Variants in CNTN5 observed in about 807,000 individuals in gnomAD.
The protein encoded by CNTN5 is contactin 5, also known as contactin-5.
CNTN5 carries 77 observed loss-of-function variants against 129.1 expected under a neutral mutation model. The observed-to-expected ratio is 0.60, with a 90% CI of 0.50 to 0.72. The LOEUF is 0.72. CNTN5 is among the 30% of genes least tolerant of loss of function. The pLI, the probability that CNTN5 is intolerant of heterozygous loss-of-function variation, is 0.00. For missense variants in CNTN5, 1,478 were observed against 1,328.8 expected, an observed-to-expected ratio of 1.11 and a Z score of -1.75; for synonymous variants, 509 against 465.6, an observed-to-expected ratio of 1.09 and a Z score of -1.20.
chr11:99,375,011 T>C (rs1051115928), intron 2 of CNTN5, among the ~76,000 whole-genome samples: 10 of 151,682 alleles, frequency 6.6e-5, no homozygotes, highest in Admixed American at 1.3e-4. Context: ...CTGAAGAAAA[T>C]GGAGAGCTAG....
At chr11:99,414,031 A>G (rs1942523368) in intron 2 of CNTN5, among the ~76,000 whole-genome samples, 1 of 152,226 alleles carries the variant, frequency 6.6e-6, no homozygotes, top group Non-Finnish European at 1.5e-5. Flanking sequence ...TTTGTTCAAC[A>G]AATAGATACA....
At chr11:99,329,914 GACACACACACACACACACAC>G (rs58544462) in intron 2 of CNTN5, among the ~76,000 whole-genome samples, 5 of 140,300 alleles carry the variant, frequency 3.6e-5, no homozygotes, top group South Asian at 2.4e-4. Context: ...TACAAGCAGT[GACACACACACACACACACAC>G]ACACACACAC....
Position 100,322,749 on chromosome 11 carries a change from C to A in CNTN5, c.2730+14281C>A, listed in dbSNP as rs538274349. Among the ~76,000 whole-genome samples, 7 of 152,048 alleles carry A rather than the reference C, an allele frequency of 4.6e-5. No homozygotes were observed. In the East Asian group the frequency reaches 1.4e-3, roughly 29 times the overall value. On this transcript the variant is annotated intron_variant, in intron 21 of 24. Transcript: ENST00000524871. ...CTTTGAGCTTTGTCAGTATACAGGT[C>A]TTGATAGTCTTTTCTTAGATTTTTC...
intron 2 of CNTN5, among the ~76,000 whole-genome samples, chr11:99,361,108 T>A (rs2136108144): frequency 6.6e-6 from 1 of 152,292 alleles, no homozygotes; most frequent in Non-Finnish European, 1.5e-5. Flanking sequence ...ATGTTCCTTA[T>A]TTTTATCTGA....
chr11:100,147,704 G>A (rs1038179348), intron 13 of CNTN5, among the ~76,000 whole-genome samples: 1 of 141,142 alleles, frequency 7.1e-6, no homozygotes, highest in Non-Finnish European at 1.6e-5. Flanking sequence ...TATTATTCAC[G>A]ACACCCACAG....
At chr11:100,261,457 C>A (rs1950195139) in intron 17 of CNTN5, among the ~76,000 whole-genome samples, 1 of 152,134 alleles carries the variant, frequency 6.6e-6, no homozygotes, top group African/African-American at 2.4e-5. Context: ...CTTTAAATTT[C>A]ATGTGGAACC....
rs386374654 is a variant in CNTN5, at chr11:100,165,459, A to AATT, written c.1581-25665_1581-25664insTAT. Among the ~76,000 whole-genome samples the AATT allele has an allele frequency of 5.3e-4, 80 of 151,470 alleles. 1 individual carries two copies. The highest frequency in any genetic ancestry group is 1.8e-3 in the African/African-American group (76 of 41,314). Reference sequence around the variant, plus strand: ...TAAGATAATGTATTGAAAAGTGACTAATGTATCAAAAGAGCTCTGTTAATT... The same window carrying AATT: ...TAAGATAATGTATTGAAAAGTGACTAATTATGTATCAAAAGAGCTCTGTTAATT... On this transcript the variant is annotated intron_variant, in intron 13 of 24. Coordinates refer to ENST00000524871, the MANE Select transcript of CNTN5 (RefSeq NM_014361.4).
intron 3 of CNTN5, among the ~76,000 whole-genome samples, chr11:99,711,626 C>A (rs1434533518): frequency 6.6e-6 from 1 of 151,818 alleles, no homozygotes; most frequent in Non-Finnish European, 1.5e-5. Flanking sequence ...TGCTCTCCCT[C>A]CCCTAGCCCC....
At chr11:99,088,898 A>T (rs1866115231) in intron 1 of CNTN5, among the ~76,000 whole-genome samples, 1 of 152,186 alleles carries the variant, frequency 6.6e-6, no homozygotes, top group Non-Finnish European at 1.5e-5. Flanking sequence ...TTGCTTTCAG[A>T]GCTTATTTAT....
At chr11:100,127,087 C>T (rs563381426) in intron 13 of CNTN5, among the ~76,000 whole-genome samples, 2 of 142,020 alleles carry the variant, frequency 1.4e-5, no homozygotes, top group Non-Finnish European at 3.0e-5. Context: ...CACCACCATG[C>T]GCAGCTAATT....
At chr11:99,693,610 G>A (rs765125914) in intron 3 of CNTN5, among the ~76,000 whole-genome samples, 3 of 151,970 alleles carry the variant, frequency 2.0e-5, no homozygotes, top group Admixed American at 2.0e-4. Context: ...GGACAATAGA[G>A]GATAGTGAGA....
rs112387194 is a variant in CNTN5 at position 99,767,145 on chromosome 11, A to G, written c.56-52399A>G. Among the ~76,000 whole-genome samples, 49 of 152,214 alleles carry G rather than the reference A, an allele frequency of 3.2e-4. 1 individual carries two copies. Among genetic ancestry groups the G allele is most frequent in the African/African-American group, 1.2e-3 (48 of 41,570 alleles). Reference sequence around the variant, plus strand: ...TCTCTTTCTCTACTTCTATCTCTATATCTATCATGTATCTGTTTATTTATT... The same window carrying G: ...TCTCTTTCTCTACTTCTATCTCTATGTCTATCATGTATCTGTTTATTTATT... On this transcript the variant is annotated intron_variant, in intron 3 of 24. Transcript: ENST00000524871.
At chr11:99,525,219 A>T (rs1947440926) in intron 2 of CNTN5, among the ~76,000 whole-genome samples, 4 of 152,212 alleles carry the variant, frequency 2.6e-5, no homozygotes, top group Admixed American at 2.0e-4. Context: ...TCAAAACTAA[A>T]GTCAGGACAC....
intron 21 of CNTN5, among the ~76,000 whole-genome samples, chr11:100,335,560 G>T (rs775469498): frequency 6.6e-5 from 10 of 152,148 alleles, no homozygotes; most frequent in Non-Finnish European, 1.2e-4. Context: ...TTGAGGTCAG[G>T]AGTTTAAGAC....
At chr11:99,514,123 C>T (rs548286714) in intron 2 of CNTN5, among the ~76,000 whole-genome samples, 3 of 151,856 alleles carry the variant, frequency 2.0e-5, no homozygotes, top group South Asian at 2.1e-4. Context: ...TCCAAGACTT[C>T]GGTGGAGGAA....
intron 9 of CNTN5, among the ~76,000 whole-genome samples, chr11:100,051,908 A>T (rs1591137133): frequency 2.0e-5 from 3 of 151,640 alleles, no homozygotes; most frequent in African/African-American, 7.3e-5. Context: ...GAAAATATGA[A>T]TTTTTCCATA....
intron 6 of CNTN5, among the ~76,000 whole-genome samples, chr11:99,863,597 C>A (rs775928646): frequency 2.0e-5 from 3 of 151,960 alleles, no homozygotes; most frequent in Non-Finnish European, 2.9e-5. Context: ...ACAATTCAGC[C>A]TATTGTAATT....
In CNTN5 at chr11:100,029,440, G is replaced by A. The variant is rs558735781; in HGVS notation, c.980+27304G>A. 1.1e-4 allele frequency among the ~76,000 whole-genome samples: 17 copies of A among 152,054 alleles called. No homozygotes were observed. The South Asian group carries it at 1.2e-3, about 11-fold the overall frequency. On this transcript the variant is annotated intron_variant, in intron 9 of 24. Coordinates refer to ENST00000524871, the MANE Select transcript of CNTN5 (RefSeq NM_014361.4). Reference sequence around the variant, plus strand: ...TACTAAAAATACAAAAAAATTAGCCGGGCGAGGTGGCAGGCGCCTGTAGTC... The same window carrying A: ...TACTAAAAATACAAAAAAATTAGCCAGGCGAGGTGGCAGGCGCCTGTAGTC...
intron 1 of CNTN5, among the ~76,000 whole-genome samples, chr11:99,047,203 A>G (rs1864247350): frequency 6.6e-6 from 1 of 151,932 alleles, no homozygotes; most frequent in South Asian, 2.1e-4. Flanking sequence ...ATTTGAAACC[A>G]AAAAGTAACA....
Sources: gnomAD v4.1 joint callset for allele counts (sites outside exome capture counted in the v4.1 genomes callset) on GRCh38, gnomAD v4.1.1 for gene constraint, MANE v1.5 for transcripts, NCBI Gene and HGNC (gene_info 2026-07-23, HGNC 2026-07-21) for gene names.